The following SDHAF2 variants were observed in gnomAD, a reference collection of about 807,000 sequenced individuals.
The protein encoded by SDHAF2 is succinate dehydrogenase assembly factor 2, mitochondrial.
In SDHAF2, 21 loss-of-function variants were observed where a neutral mutation model predicts 18.5. The observed-to-expected ratio is 1.13, with a 90% CI of 0.80 to 1.63. The LOEUF is 1.63. Among genes scored for constraint, SDHAF2 ranks in the 40% most tolerant of loss-of-function variants. The pLI is 0.00. For missense variants in SDHAF2, 195 were observed against 200.3 expected, an observed-to-expected ratio of 0.97 and a Z score of 0.16; for synonymous variants, 84 against 70.7, an observed-to-expected ratio of 1.19 and a Z score of -0.94.
intron 3 of SDHAF2, among the ~76,000 whole-genome samples, chr11:61,441,482 C>T (rs559414869): frequency 4.7e-5 from 7 of 148,616 alleles, no homozygotes; most frequent in Non-Finnish European, 8.9e-5. Flanking sequence ...GATCATGCCA[C>T]TATACTCCAG....
chr11:61,444,755 A>G (rs1307834420), intron 3 of SDHAF2, among the ~76,000 whole-genome samples: 1 of 152,080 alleles, frequency 6.6e-6, no homozygotes, highest in Admixed American at 6.5e-5. Context: ...CAAAAAAAAA[A>G]ATTTTTTTAG....
intron 1 of SDHAF2, chr11:61,432,508 T>G (rs1052114013): frequency 2.8e-5 from 4 of 145,060 alleles, no homozygotes; most frequent in African/African-American, 1.2e-4. Context: ...TGTTGTATTA[T>G]TTATTTCTTT....
At chr11:61,437,492 A>G in intron 1 of SDHAF2, 133 bp from the exon 2 acceptor site, 2 of 852,048 alleles carry the variant, frequency 2.3e-6, no homozygotes, top group South Asian at 1.3e-5. Context: ...GTGCGCCACC[A>G]CGCCTGGCCA....
At position 61,436,789 on chromosome 11, in the gene SDHAF2, C is replaced by G. The variant is rs1178612898; in HGVS notation, c.37-836C>G. On this transcript the variant is annotated intron_variant, in intron 1 of 3. Coordinates refer to ENST00000301761, the MANE Select transcript of SDHAF2 (RefSeq NM_017841.4). The stretch of plus-strand genomic sequence containing the variant: ...ATTGGTTTGTTTGTTGCTGTTGGCT[C>G]AGTGTCTCCATCGGGGAAGGAGGAT... 3 of 895,962 alleles carry G rather than the reference C, an allele frequency of 3.3e-6. No individual in the cohort carries two copies. The African/African-American group carries it at 5.2e-5, about 15-fold the overall frequency. 55.5% of individuals were successfully genotyped at this position (895,962 alleles called of 1,614,324 possible).
intron 3 of SDHAF2, among the ~76,000 whole-genome samples, chr11:61,440,425 C>A (rs967043302): frequency 6.6e-6 from 1 of 152,008 alleles, no homozygotes; most frequent in Non-Finnish European, 1.5e-5. Context: ...CACGGTGAAA[C>A]CCCGTTTCTA....
At chr11:61,435,650 T>C (rs1189759045) in intron 1 of SDHAF2, 2 of 152,168 alleles carry the variant, frequency 1.3e-5, no homozygotes, top group African/African-American at 4.8e-5. Context: ...GTTTCCTTTT[T>C]CAGGAGCCCA....
chr11:61,430,605 T>C (rs1291571736), intron 1 of SDHAF2: 1 of 220,624 alleles, frequency 4.5e-6, no homozygotes, highest in Non-Finnish European at 9.0e-6. Context: ...TTAATACATG[T>C]GTACATCGAA....
chr11:61,436,889 A>C (rs896831), intron 1 of SDHAF2: 1,105,079 of 1,287,770 alleles, frequency 0.86, 474,649 homozygotes, highest in East Asian at 0.97. Context: ...ATAAGTTGTC[A>C]ACTTCTCTGG....
intron 1 of SDHAF2, chr11:61,437,014 A>C: frequency 2.6e-6 from 3 of 1,170,452 alleles, no homozygotes; most frequent in Non-Finnish European, 3.2e-6. Flanking sequence ...AGTGCAAAGG[A>C]AGGAAAAATT....
intron 3 of SDHAF2, among the ~76,000 whole-genome samples, chr11:61,441,626 T>TAA (rs1862066304): frequency 6.6e-6 from 1 of 152,024 alleles, no homozygotes; most frequent in Non-Finnish European, 1.5e-5. Flanking sequence ...AGGCAAAACT[T>TAA]ACAGGGACAA....
At position 61,446,486 on chromosome 11, in the gene SDHAF2, A is replaced by G. The variant is rs61132686; in HGVS notation, c.*415A>G. ...GCCCTCCCTGCAGCTCCCCGCCCTC[A>G]GTGGCCCAGGGCTTTGTTGAAGTGG... On this transcript the variant is annotated 3_prime_UTR_variant, in exon 4 of 4. Coordinates refer to ENST00000301761, the MANE Select transcript of SDHAF2 (RefSeq NM_017841.4). 9.5e-3 allele frequency: 4,966 copies of G among 521,292 alleles called. 207 individuals carry two copies. Among genetic ancestry groups the G allele is most frequent in the African/African-American group, 0.083 (4,335 of 52,268 alleles). 32.3% of individuals were successfully genotyped at this position (521,292 alleles called of 1,614,324 possible).
rs117041455 is a variant in SDHAF2, at chr11:61,441,127, A to G, written c.370+3014A>G. On this transcript the variant is annotated intron_variant, in intron 3 of 3. Coordinates refer to ENST00000301761, the MANE Select transcript of SDHAF2 (RefSeq NM_017841.4). The stretch of plus-strand genomic sequence containing the variant: ...TGAGCCCAGGAGTTCAGAGACTGCA[A>G]TGACCTATGATCACGCCACTGCATT... Among the ~76,000 whole-genome samples, 30 of 152,176 alleles carry G rather than the reference A, an allele frequency of 2.0e-4. 1 individual carries two copies. The East Asian group carries it at 4.8e-3, about 24-fold the overall frequency.
At chr11:61,441,666 A>G (rs1862066859) in intron 3 of SDHAF2, among the ~76,000 whole-genome samples, 1 of 152,152 alleles carries the variant, frequency 6.6e-6, no homozygotes, top group South Asian at 2.1e-4. Context: ...TTGGATGTGA[A>G]GGGAGGGGTT....
chr11:61,443,841 T>C (rs557650556), intron 3 of SDHAF2, among the ~76,000 whole-genome samples: 1 of 152,136 alleles, frequency 6.6e-6, no homozygotes, highest in South Asian at 2.1e-4. Flanking sequence ...TGGCGCGATA[T>C]CGGCTCACTG....
At chr11:61,442,056 G>T (rs1862073836) in intron 3 of SDHAF2, among the ~76,000 whole-genome samples, 1 of 151,732 alleles carries the variant, frequency 6.6e-6, no homozygotes, top group East Asian at 1.9e-4. Flanking sequence ...GCTAATTTTT[G>T]TTGTTGTTGT....
chr11:61,438,244 G>C (rs1862020516), intron 3 of SDHAF2, 131 bp downstream of exon 3: 2 of 746,026 alleles, frequency 2.7e-6, no homozygotes, highest in South Asian at 3.0e-5. Flanking sequence ...TCGTTGCCCA[G>C]GCTGGAGTGC....
intron 3 of SDHAF2, among the ~76,000 whole-genome samples, chr11:61,440,042 A>G (rs540747240): frequency 6.6e-6 from 1 of 152,254 alleles, no homozygotes; most frequent in African/African-American, 2.4e-5. Context: ...CATGCCTGTA[A>G]TTTCAGCATG....
rs1862137868 is a variant in SDHAF2, at chr11:61,446,336, T to G, written c.*265T>G. 1.7e-6 allele frequency: 1 copy of G among 603,774 alleles called. No individual in the cohort carries two copies. Among genetic ancestry groups the G allele is most frequent in the Non-Finnish European group, 2.9e-6 (1 of 339,198 alleles). 37.4% of individuals were successfully genotyped at this position (603,774 alleles called of 1,614,324 possible). ...ATGCAGGCTTTGCCTGGCTGCTATCTCTAGAGGCAAGTCTGCCACGAGAGG... is the reference window on the plus strand; with the variant it reads ...ATGCAGGCTTTGCCTGGCTGCTATCGCTAGAGGCAAGTCTGCCACGAGAGG... On this transcript the variant is annotated 3_prime_UTR_variant, in exon 4 of 4. Coordinates refer to ENST00000301761, the MANE Select transcript of SDHAF2 (RefSeq NM_017841.4).
Position 61,442,394 on chromosome 11 carries a change from C to A in SDHAF2, c.371-3547C>A, listed in dbSNP as rs567232630. Among the ~76,000 whole-genome samples the A allele has an allele frequency of 3.9e-5, 6 of 152,264 alleles. No homozygotes were observed. In the South Asian group the frequency reaches 1.0e-3, roughly 26 times the overall value. On this transcript the variant is annotated intron_variant, in intron 3 of 3. Coordinates refer to ENST00000301761, the MANE Select transcript of SDHAF2 (RefSeq NM_017841.4). The stretch of plus-strand genomic sequence containing the variant: ...CAGCTTCATATTCCCTCCGGTGTTA[C>A]CATGTGCTGTTTTCTCATTTCCATA...
Sources: allele counts gnomAD v4.1 joint callset (sites outside exome capture counted in the v4.1 genomes callset), GRCh38; gene constraint gnomAD v4.1.1; transcripts MANE v1.5; gene names NCBI Gene and HGNC (gene_info 2026-07-23, HGNC 2026-07-21).